The following ARHGAP24 variants were observed in gnomAD, a reference collection of about 807,000 sequenced individuals.
The protein encoded by ARHGAP24 is rho GTPase-activating protein 24.
In ARHGAP24, 50 loss-of-function variants were observed where a neutral mutation model predicts 76.4. The ratio of observed to expected loss-of-function variants is 0.65; its 90% CI spans 0.52 to 0.83. The LOEUF (loss-of-function observed/expected upper bound fraction) is 0.83, where lower values mean the gene tolerates loss of function less well. Ranked by LOEUF, ARHGAP24 falls within the 40% of genes least tolerant of loss-of-function variation. The pLI, the probability that ARHGAP24 is intolerant of heterozygous loss-of-function variation, is 0.00. For missense variants in ARHGAP24, 930 were observed against 914.2 expected (o/e 1.02, Z -0.22); for synonymous variants, 345 against 323.3 (o/e 1.07, Z -0.72).
intron 3 of ARHGAP24, among the ~76,000 whole-genome samples, chr4:85,836,474 C>A (rs1172427498): frequency 1.3e-4 from 20 of 152,134 alleles, no homozygotes; most frequent in Non-Finnish European, 7.4e-5. Flanking sequence ...CTTGTAGATG[C>A]CTGTCTTCCT....
chr4:85,635,391 G>GT (rs1224830389), intron 2 of ARHGAP24, among the ~76,000 whole-genome samples: 2 of 151,730 alleles, frequency 1.3e-5, no homozygotes, highest in East Asian at 3.9e-4. Context: ...TTTAGTTTTT[G>GT]TTACAGGTCT....
At chr4:85,636,777 T>A (rs2062100) in intron 2 of ARHGAP24, among the ~76,000 whole-genome samples, 77,277 of 151,844 alleles carry the variant, frequency 0.51, 21,403 homozygotes, top group Non-Finnish European at 0.64. Context: ...TCAAGGCCAA[T>A]TAATTTCTCT....
At chr4:85,656,091 T>C (rs1162744991) in intron 2 of ARHGAP24, among the ~76,000 whole-genome samples, 1 of 152,152 alleles carries the variant, frequency 6.6e-6, no homozygotes, top group Non-Finnish European at 1.5e-5. Flanking sequence ...TGGCCACTTA[T>C]AATCCTATAT....
At chr4:85,977,892 A>G (rs936068581) in intron 8 of ARHGAP24, among the ~76,000 whole-genome samples, 1 of 152,260 alleles carries the variant, frequency 6.6e-6, no homozygotes. Flanking sequence ...AACATAAAAT[A>G]TACTAAACGC....
At chr4:85,930,858 T>TG (rs1425558653) in intron 4 of ARHGAP24, 1 of 1,604,774 alleles carries the variant, frequency 6.2e-7, no homozygotes, top group Non-Finnish European at 8.5e-7. Flanking sequence ...GCATGAGGAG[T>TG]GGCTGTTGGG....
intron 2 of ARHGAP24, among the ~76,000 whole-genome samples, chr4:85,579,546 A>C (rs1431949055): frequency 1.5e-5 from 1 of 65,438 alleles, no homozygotes; most frequent in Admixed American, 1.7e-4. Flanking sequence ...CTTTAGCTTT[A>C]TCTTGCCTAA....
chr4:85,628,239 TGAC>T (rs1721037896), intron 2 of ARHGAP24, among the ~76,000 whole-genome samples: 1 of 152,186 alleles, frequency 6.6e-6, no homozygotes, highest in African/African-American at 2.4e-5. Context: ...ATTTCTTCTT[TGAC>T]TATTGATTGT....
intron 2 of ARHGAP24, among the ~76,000 whole-genome samples, chr4:85,614,194 G>A (rs949204815): frequency 8.6e-5 from 13 of 152,042 alleles, no homozygotes; most frequent in Admixed American, 5.9e-4. Context: ...CTTATGCCCC[G>A]AAATGTCTTC....
intron 3 of ARHGAP24, among the ~76,000 whole-genome samples, chr4:85,842,996 T>C (rs1389456696): frequency 6.6e-6 from 1 of 152,232 alleles, no homozygotes; most frequent in Non-Finnish European, 1.5e-5. Context: ...AGTCAGGCCA[T>C]ACTATTTACT....
At chr4:86,000,362 A>C in intron 9 of ARHGAP24, 117 bp from the exon 10 acceptor site, 33 of 783,214 alleles carry the variant, frequency 4.2e-5, no homozygotes, top group Non-Finnish European at 6.5e-5. Flanking sequence ...CCAATTTCCT[A>C]AGCATCATAA....
At chr4:85,974,296 A>T (rs1578453635) in intron 6 of ARHGAP24, among the ~76,000 whole-genome samples, 3 of 152,182 alleles carry the variant, frequency 2.0e-5, no homozygotes, top group African/African-American at 7.2e-5. Context: ...AATATTTACT[A>T]TCTGGACCTT....
At chr4:85,916,957 G>C (rs953949179) in intron 3 of ARHGAP24, among the ~76,000 whole-genome samples, 1 of 151,512 alleles carries the variant, frequency 6.6e-6, no homozygotes, top group African/African-American at 2.4e-5. Context: ...ACATGTGCAC[G>C]ATGTGCAGGT....
chr4:85,659,563 C>T (rs1409735258), intron 2 of ARHGAP24, among the ~76,000 whole-genome samples: 1 of 152,122 alleles, frequency 6.6e-6, no homozygotes, highest in African/African-American at 2.4e-5. Flanking sequence ...TATTAATGTT[C>T]TCCTCCCTAG....
intron 1 of ARHGAP24, among the ~76,000 whole-genome samples, chr4:85,487,751 T>TTA (rs1198564297): frequency 9.5e-6 from 1 of 105,156 alleles, no homozygotes; most frequent in Non-Finnish European, 1.7e-5. Flanking sequence ...TAATATATAT[T>TTA]TATTATATAT....
chr4:85,944,015 G>T (rs1737104047), intron 5 of ARHGAP24, among the ~76,000 whole-genome samples: 1 of 152,096 alleles, frequency 6.6e-6, no homozygotes. Flanking sequence ...TCTGGTTCTA[G>T]ATCCTTGAGG....
chr4:85,967,382 A>T (rs547748799), intron 5 of ARHGAP24, among the ~76,000 whole-genome samples: 1 of 152,280 alleles, frequency 6.6e-6, no homozygotes, highest in African/African-American at 2.4e-5. Flanking sequence ...ATAGGTGTTC[A>T]GGAACTACTT....
At chr4:85,982,471 C>T (rs867448445) in intron 8 of ARHGAP24, among the ~76,000 whole-genome samples, 19 of 152,062 alleles carry the variant, frequency 1.2e-4, no homozygotes, top group Non-Finnish European at 2.6e-4. Context: ...ACGGGAAGGT[C>T]TCCCCATTCC....
At chr4:85,719,755 C>T (rs1404626107) in intron 2 of ARHGAP24, among the ~76,000 whole-genome samples, 3 of 152,086 alleles carry the variant, frequency 2.0e-5, no homozygotes, top group South Asian at 2.1e-4. Context: ...ATTATTTTTC[C>T]CTTACAGTTT....
chr4:85,661,977 T>C (rs1722407038), intron 2 of ARHGAP24, among the ~76,000 whole-genome samples: 1 of 152,236 alleles, frequency 6.6e-6, no homozygotes. Context: ...GCAGTAAACA[T>C]ACGTGTGCAT....
Sources: gnomAD v4.1 joint callset for allele counts (sites outside exome capture counted in the v4.1 genomes callset) on GRCh38, gnomAD v4.1.1 for gene constraint, MANE v1.5 for transcripts, NCBI Gene and HGNC (gene_info 2026-07-23, HGNC 2026-07-21) for gene names.